The following PXDN variants were observed in gnomAD, a reference collection of about 807,000 sequenced individuals.
PXDN encodes peroxidasin homolog.
Under a neutral mutation model 140.3 loss-of-function variants are expected in PXDN, and 77 were observed. The ratio of observed to expected loss-of-function variants is 0.55; its 90% CI spans 0.46 to 0.66. PXDN has a LOEUF of 0.66. Among genes scored for constraint, PXDN ranks in the 30% least tolerant of loss-of-function variants. The probability of loss-of-function intolerance (pLI) is 0.00; values close to 1 mark genes in which losing one functional copy is unlikely to be tolerated. For synonymous variants in PXDN, 911 were observed against 857.4 expected, an observed-to-expected ratio of 1.06 and a Z score of -1.09; for missense variants, 1,838 against 2,039.5, an observed-to-expected ratio of 0.90 and a Z score of 1.90.
Position 1,649,040 on chromosome 2 carries a change from T to C in PXDN, c.2740A>G (p.Asn914Asp), listed in dbSNP as rs748815621. Residue 914 changes from asparagine to aspartate, a missense_variant, in exon 17 of 23, where the codon AAC (asparagine) becomes GAC (aspartate). Transcript: ENST00000252804. This position sits in a 1 kb window ranked among gnomAD's most constrained non-coding sequence, Gnocchi z 7.1. ...NQLTSYIDAS[N>D]VYGSTEHEAR... is the part of the protein sequence containing the mutation. ...TCATGCTCCGTGCTCCCGTACACGT[T>C]GGATGCGTCTATGTAGGAGGTGAGC... 1.2e-6 allele frequency: 2 copies of C among 1,612,626 alleles called. No homozygotes were observed. The highest frequency in any genetic ancestry group is 2.2e-5 in the South Asian group (2 of 91,078).
chr2:1,725,240 C>A (rs1369814069), intron 1 of PXDN, among the ~76,000 whole-genome samples: 1 of 151,980 alleles, frequency 6.6e-6, no homozygotes, highest in Admixed American at 6.6e-5. Context: ...TTTATTAGTT[C>A]TAATAGTTTT....
At chr2:1,744,128 TC>T in intron 1 of PXDN, 127 bp downstream of exon 1, 1 of 1,005,612 alleles carries the variant, frequency 9.9e-7, no homozygotes, top group Non-Finnish European at 1.3e-6. Context: ...GCGTCCCAAG[TC>T]CCCAGGCCCC....
At chr2:1,661,999 A>C in intron 13 of PXDN, 73 bp downstream of exon 13, 3 of 1,317,818 alleles carry the variant, frequency 2.3e-6, no homozygotes, top group Non-Finnish European at 3.2e-6. Flanking sequence ...TGCTCCAGGT[A>C]GTGGGTGGTG....
chr2:1,723,727 T>C (rs1234532976), intron 1 of PXDN, among the ~76,000 whole-genome samples: 1 of 151,992 alleles, frequency 6.6e-6, no homozygotes, highest in Non-Finnish European at 1.5e-5. Context: ...AGGGGGGTTA[T>C]GGATGGATGG....
At chr2:1,730,060 A>G (rs1282812828) in intron 1 of PXDN, among the ~76,000 whole-genome samples, 1 of 152,216 alleles carries the variant, frequency 6.6e-6, no homozygotes, top group African/African-American at 2.4e-5. Context: ...CAGGTAGACA[A>G]ATACTGCTAC....
chr2:1,645,310 CTTCCAA>C (rs1340926721), intron 17 of PXDN, among the ~76,000 whole-genome samples: 44 of 152,196 alleles, frequency 2.9e-4, no homozygotes, highest in Admixed American at 2.7e-3. Flanking sequence ...TCATCGACTT[CTTCCAA>C]TTCCTTAGAA....
intron 14 of PXDN, among the ~76,000 whole-genome samples, chr2:1,654,881 C>T (rs781087953): frequency 1.3e-5 from 2 of 152,194 alleles, no homozygotes; most frequent in East Asian, 3.9e-4. Flanking sequence ...CAGCAGATCT[C>T]GTCCATTCCT....
chr2:1,727,473 C>T (rs1468000179), intron 1 of PXDN, among the ~76,000 whole-genome samples: 2 of 152,232 alleles, frequency 1.3e-5, no homozygotes, highest in East Asian at 3.9e-4. Context: ...GATGGGGAAG[C>T]CGAGGCTTCA....
intron 1 of PXDN, among the ~76,000 whole-genome samples, chr2:1,704,518 T>G (rs1191871777): frequency 8.0e-3 from 153 of 19,202 alleles, no homozygotes; most frequent in African/African-American, 0.011. Context: ...CAGGTGAAGG[T>G]GGGGGACAAC....
intron 21 of PXDN, among the ~76,000 whole-genome samples, chr2:1,637,837 G>A (rs1285958988): frequency 7.0e-6 from 1 of 142,878 alleles, no homozygotes; most frequent in East Asian, 2.2e-4. Flanking sequence ...AGGAAGACCT[G>A]CGGCATGCTG....
At chr2:1,690,532 G>C (rs1037837101) in intron 3 of PXDN, among the ~76,000 whole-genome samples, 1 of 150,358 alleles carries the variant, frequency 6.7e-6, no homozygotes, top group Non-Finnish European at 1.5e-5. Context: ...TAAAAAACCT[G>C]TTAAACCTAT....
chr2:1,733,337 C>G (rs907691380), intron 1 of PXDN, among the ~76,000 whole-genome samples: 12 of 152,218 alleles, frequency 7.9e-5, no homozygotes, highest in African/African-American at 2.9e-4. Flanking sequence ...TGCTCCACAC[C>G]AGGGATAAGG....
intron 1 of PXDN, among the ~76,000 whole-genome samples, chr2:1,730,410 A>G (rs1446848246): frequency 6.6e-6 from 1 of 152,200 alleles, no homozygotes; most frequent in Non-Finnish European, 1.5e-5. Context: ...AGAGGTGAAC[A>G]GGGATGGGCA....
At chr2:1,695,992 G>A (rs1558512720) in intron 1 of PXDN, among the ~76,000 whole-genome samples, 1 of 151,940 alleles carries the variant, frequency 6.6e-6, no homozygotes, top group South Asian at 2.1e-4. Flanking sequence ...TGGACAGAGA[G>A]GTGCTGTCCC....
chr2:1,638,896 T>C lies in PXDN; in HGVS notation c.4156A>G (p.Arg1386Gly). 1 of 1,614,022 alleles carries C rather than the reference T, an allele frequency of 6.2e-7. No homozygotes were observed. Among genetic ancestry groups the C allele is most frequent in the South Asian group, 1.1e-5 (1 of 91,090 alleles). ...RSDASGTNDF[R>G]EFVLEMQKTI... ...TTCTGCATTTCCAGAACAAACTCTC[T>C]GAAGTCATTTGTCCCAGATGCATCT... is the stretch of plus-strand genomic sequence containing the variant. Residue 1386 changes from arginine (R) to glycine (G), a missense_variant, in exon 21 of 23, where the codon AGA becomes GGA. Physicochemically the swap from Arg to Gly is moderately radical, Grantham distance 125. Transcript: ENST00000252804.
chr2:1,672,646 T>C (rs1437558330), intron 9 of PXDN, among the ~76,000 whole-genome samples: 3 of 152,238 alleles, frequency 2.0e-5, no homozygotes, highest in Non-Finnish European at 2.9e-5. Context: ...GGAAATGTGA[T>C]AGCCAGGAAT....
intron 1 of PXDN, among the ~76,000 whole-genome samples, chr2:1,725,456 C>T (rs1381162618): frequency 4.0e-5 from 6 of 151,866 alleles, no homozygotes; most frequent in African/African-American, 1.5e-4. Flanking sequence ...AAACGTTAGA[C>T]CTAAAACCAT....
rs770735162 is a variant in PXDN, at chr2:1,648,247, T to C, written c.3533A>G (p.Asn1178Ser). 5.6e-6 allele frequency: 9 copies of C among 1,613,944 alleles called. No individual in the cohort carries two copies. Among genetic ancestry groups the C allele is most frequent in the South Asian group, 3.3e-5 (3 of 91,080 alleles). Residue 1178 changes from asparagine (N) to serine (S), a missense_variant, in exon 17 of 23, where the codon AAT becomes AGT. Physicochemically the swap from Asn to Ser is conservative, Grantham distance 46 (BLOSUM62 1). This residue lies in a region of PXDN where 850 missense variants were observed against 894.1 expected (regional missense o/e 0.95). Transcript: ENST00000252804. The surrounding 1 kb of genome is among the most constrained non-coding windows in gnomAD (Gnocchi z 8.9). Reference sequence around the variant, plus strand: ...CTCGAACGTGTGTGCCGCCGATAGATTGCAGTAGACCCTGTAGTCGTGGTA... The same window carrying C: ...CTCGAACGTGTGTGCCGCCGATAGACTGCAGTAGACCCTGTAGTCGTGGTA... ...PPYHDYRVYC[N>S]LSAAHTFEDL... is the part of the protein sequence containing the mutation.
chr2:1,689,445 G>T (rs1404075683), intron 3 of PXDN, among the ~76,000 whole-genome samples: 1 of 152,222 alleles, frequency 6.6e-6, no homozygotes, highest in Non-Finnish European at 1.5e-5. Flanking sequence ...ATGTGTGAAT[G>T]TGTGTTTATA....
Sources: allele counts gnomAD v4.1 joint callset (sites outside exome capture counted in the v4.1 genomes callset), GRCh38; gene constraint gnomAD v4.1.1; regional missense constraint gnomAD v4.1.1; non-coding constraint Gnocchi (gnomAD v3.1); transcripts MANE v1.5; gene names NCBI Gene and HGNC (gene_info 2026-07-23, HGNC 2026-07-21).